EYS: variants seen among roughly 807,000 people sequenced by gnomAD.
The protein encoded by EYS is EGF-like photoreceptor maintenance factor, also known as protein eyes shut homolog.
A neutral mutation model predicts 282.1 loss-of-function variants in EYS; 250 were observed. That is an observed-to-expected ratio of 0.89 (90% CI 0.80 to 0.98). EYS has a LOEUF of 0.98. Among genes scored for constraint, EYS ranks in the 50% least tolerant of loss-of-function variants. EYS has a pLI of 0.00. For synonymous variants in EYS, 1,355 were observed against 1,282.9 expected, an observed-to-expected ratio of 1.06 and a Z score of -1.20; for missense variants, 4,016 against 3,709.0, an observed-to-expected ratio of 1.08 and a Z score of -2.15.
At chr6:64,509,859 T>C (rs1024871627) in intron 26 of EYS, among the ~76,000 whole-genome samples, 1 of 152,184 alleles carries the variant, frequency 6.6e-6, no homozygotes, top group Non-Finnish European at 1.5e-5. Flanking sequence ...TGGAGCAATA[T>C]AGGCAAGAAC....
intron 15 of EYS, among the ~76,000 whole-genome samples, chr6:64,922,321 C>A (rs557123949): frequency 6.6e-6 from 1 of 152,220 alleles, no homozygotes; most frequent in African/African-American, 2.4e-5. Flanking sequence ...CCCACAAATA[C>A]TAAGGTTTTG....
chr6:64,904,870 C>T (rs1050269178), intron 16 of EYS, among the ~76,000 whole-genome samples: 12 of 152,050 alleles, frequency 7.9e-5, no homozygotes, highest in African/African-American at 2.9e-4. Context: ...GTTTTGTTAC[C>T]AGCTAGCAAC....
intron 32 of EYS, among the ~76,000 whole-genome samples, chr6:64,079,087 G>A (rs1771869958): frequency 6.6e-6 from 1 of 152,022 alleles, no homozygotes; most frequent in Non-Finnish European, 1.5e-5. Context: ...CGATTATTAT[G>A]TTTGTGTCTT....
intron 31 of EYS, among the ~76,000 whole-genome samples, chr6:64,139,369 T>C (rs1261950640): frequency 1.3e-5 from 2 of 152,154 alleles, no homozygotes; most frequent in African/African-American, 4.8e-5. Context: ...ACATACATTC[T>C]AGTGGCAGCA....
At chr6:64,233,352 T>C (rs562139956) in intron 30 of EYS, among the ~76,000 whole-genome samples, 5 of 152,298 alleles carry the variant, frequency 3.3e-5, no homozygotes, top group African/African-American at 9.6e-5. Context: ...AAGTTATAGA[T>C]GATGTCACAA....
intron 1 of EYS, among the ~76,000 whole-genome samples, chr6:65,686,867 T>C (rs1011486715): frequency 2.6e-5 from 4 of 151,994 alleles, no homozygotes; most frequent in East Asian, 1.9e-4. Context: ...GAGGTACTCA[T>C]TGGAAGCTAG....
chr6:64,843,328 C>A (rs921534532), intron 19 of EYS, among the ~76,000 whole-genome samples: 2 of 152,096 alleles, frequency 1.3e-5, no homozygotes, highest in African/African-American at 2.4e-5. Context: ...AATGGTAGAT[C>A]CACTGACAGC....
chr6:65,277,057 G>A (rs1041998309), intron 12 of EYS, among the ~76,000 whole-genome samples: 6 of 152,132 alleles, frequency 3.9e-5, no homozygotes, highest in African/African-American at 7.2e-5. Context: ...CTAGTGTGAC[G>A]CCATTAGAAA....
chr6:65,141,654 T>G (rs1581948883), intron 12 of EYS, among the ~76,000 whole-genome samples: 2 of 2,978 alleles, frequency 6.7e-4, no homozygotes, highest in South Asian at 0.053. Context: ...TGTCTGTCTA[T>G]CTATCTATCT....
In EYS at chr6:64,295,087, G is replaced by C. The variant is rs1768868964; in HGVS notation, c.6191+11883C>G. On this transcript the variant is annotated intron_variant, in intron 30 of 42. Transcript: ENST00000503581. ...GTAGACATTTTCTCAAAAAGAAAAT[G>C]GGTCTGGCCGGGCACGGTGGCTCAC... Among the ~76,000 whole-genome samples, 3 of 151,780 alleles carry C rather than the reference G, an allele frequency of 2.0e-5. No individual in the cohort carries two copies. In the South Asian group the frequency reaches 6.3e-4, roughly 32 times the overall value.
intron 1 of EYS, among the ~76,000 whole-genome samples, chr6:65,682,613 A>G (rs1355750879): frequency 6.6e-6 from 1 of 151,992 alleles, no homozygotes; most frequent in African/African-American, 2.4e-5. Context: ...TGCCTAATAT[A>G]TATCACATGC....
At chr6:64,564,945 T>A (rs1765518402) in intron 26 of EYS, among the ~76,000 whole-genome samples, 1 of 152,234 alleles carries the variant, frequency 6.6e-6, no homozygotes, top group Admixed American at 6.5e-5. Flanking sequence ...TTGAACATTT[T>A]TTATACACCT....
chr6:63,827,294 G>A (rs899293556), intron 36 of EYS, among the ~76,000 whole-genome samples: 1 of 152,084 alleles, frequency 6.6e-6, no homozygotes, highest in Admixed American at 6.5e-5. Flanking sequence ...ATAGACCTAA[G>A]AAATGAGACA....
At chr6:64,911,796 GAACATGTACCTA>G (rs907503087) in intron 16 of EYS, among the ~76,000 whole-genome samples, 1 of 152,086 alleles carries the variant, frequency 6.6e-6, no homozygotes, top group African/African-American at 2.4e-5. Flanking sequence ...CATGAACAGT[GAACATGTACCTA>G]AACCACTGTG....
chr6:65,118,976 T>C (rs1775454378), intron 12 of EYS, among the ~76,000 whole-genome samples: 1 of 151,678 alleles, frequency 6.6e-6, no homozygotes. Flanking sequence ...AATGTTTAAA[T>C]TAAATGTTAA....
chr6:65,381,566 A>G (rs973443314), intron 8 of EYS, among the ~76,000 whole-genome samples: 2 of 152,036 alleles, frequency 1.3e-5, no homozygotes, highest in African/African-American at 4.8e-5. Flanking sequence ...GCAAACCACC[A>G]TAGTACATGT....
chr6:64,566,416 T>G (rs1250798434), intron 26 of EYS, among the ~76,000 whole-genome samples: 1 of 152,154 alleles, frequency 6.6e-6, no homozygotes, highest in Non-Finnish European at 1.5e-5. Context: ...ACTCTTATTG[T>G]CATCATTAAA....
intron 12 of EYS, among the ~76,000 whole-genome samples, chr6:65,189,996 A>G (rs1043909971): frequency 1.3e-5 from 2 of 151,722 alleles, no homozygotes; most frequent in Non-Finnish European, 2.9e-5. Flanking sequence ...CATGTAGGTC[A>G]TGCTGTGGTT....
At chr6:64,070,230 C>G (rs746737329) in intron 32 of EYS, among the ~76,000 whole-genome samples, 29 of 152,052 alleles carry the variant, frequency 1.9e-4, no homozygotes, top group Non-Finnish European at 8.8e-5. Context: ...ATTGGTCTTT[C>G]TTGCACTTTG....
Sources: allele counts gnomAD v4.1 joint callset (sites outside exome capture counted in the v4.1 genomes callset), GRCh38; gene constraint gnomAD v4.1.1; transcripts MANE v1.5; gene names NCBI Gene and HGNC (gene_info 2026-07-23, HGNC 2026-07-21).